The following ASAP1 variants were observed in gnomAD, a reference collection of about 807,000 sequenced individuals.
The protein encoded by ASAP1 is ArfGAP with SH3 domain, ankyrin repeat and PH domain 1, also known as arf-GAP with SH3 domain, ANK repeat and PH domain-containing protein 1.
In ASAP1, 43 loss-of-function variants were observed where a neutral mutation model predicts 145.2. The observed-to-expected ratio is 0.30, with a 90% CI of 0.23 to 0.38. The LOEUF (loss-of-function observed/expected upper bound fraction) is 0.38. Ranked by LOEUF, ASAP1 falls within the 10% of genes least tolerant of loss-of-function variation. The pLI is 1.00. For missense variants in ASAP1, 1,018 were observed against 1,355.3 expected (o/e 0.75, Z 3.91); for synonymous variants, 546 against 515.5 (o/e 1.06, Z -0.80).
intron 1 of ASAP1, among the ~76,000 whole-genome samples, chr8:130,412,986 A>C (rs936877799): frequency 2.6e-5 from 4 of 152,256 alleles, no homozygotes; most frequent in Non-Finnish European, 4.4e-5. Context: ...TTGCATAGTT[A>C]TTATGTGTAT....
intron 1 of ASAP1, among the ~76,000 whole-genome samples, chr8:130,408,875 A>T (rs1829146131): frequency 6.6e-6 from 1 of 152,206 alleles, no homozygotes; most frequent in South Asian, 2.1e-4. Flanking sequence ...AAAGCTCAGA[A>T]CTTTATCTGC....
intron 24 of ASAP1, among the ~76,000 whole-genome samples, chr8:130,107,371 G>A (rs1482809395): frequency 2.0e-5 from 3 of 151,646 alleles, no homozygotes; most frequent in Admixed American, 6.6e-5. Flanking sequence ...ATTTTTAGTA[G>A]AGACAGGGTT....
intron 9 of ASAP1, chr8:130,179,015 A>G: frequency 2.8e-6 from 1 of 353,536 alleles, no homozygotes; most frequent in South Asian, 5.8e-5. Flanking sequence ...CAAATTTAGG[A>G]AGAAGTATTT....
intron 3 of ASAP1, among the ~76,000 whole-genome samples, chr8:130,356,211 C>A (rs910633795): frequency 6.6e-6 from 1 of 152,194 alleles, no homozygotes; most frequent in African/African-American, 2.4e-5. Flanking sequence ...AACAGCATCA[C>A]CGAATACTTA....
At chr8:130,315,174 C>T (rs1823591851) in intron 3 of ASAP1, among the ~76,000 whole-genome samples, 1 of 152,026 alleles carries the variant, frequency 6.6e-6, no homozygotes, top group South Asian at 2.1e-4. Flanking sequence ...GGAGAGTTCA[C>T]AAGGAAAATA....
chr8:130,072,820 T>TGCGCGC (rs1276537977), intron 27 of ASAP1, among the ~76,000 whole-genome samples: 8 of 22,086 alleles, frequency 3.6e-4, no homozygotes, highest in South Asian at 2.2e-3. Flanking sequence ...TGTGTGTGTG[T>TGCGCGC]GTGTGCGCGC....
At chr8:130,188,723 CA>C (rs370580190) in intron 5 of ASAP1, among the ~76,000 whole-genome samples, 12,300 of 83,678 alleles carry the variant, frequency 0.15, 279 homozygotes, top group African/African-American at 0.21. Flanking sequence ...GAGACTCTCT[CA>C]AAAAAAAAAA....
intron 2 of ASAP1, among the ~76,000 whole-genome samples, chr8:130,381,949 C>G (rs1827788380): frequency 6.6e-6 from 1 of 152,162 alleles, no homozygotes; most frequent in South Asian, 2.1e-4. Context: ...CTCTTGTTCT[C>G]CCTTTACCCG....
At chr8:130,386,290 T>C (rs913968022) in intron 2 of ASAP1, among the ~76,000 whole-genome samples, 3 of 152,196 alleles carry the variant, frequency 2.0e-5, no homozygotes, top group Admixed American at 6.5e-5. Flanking sequence ...ACTCCTCTCT[T>C]ACCTAAGCCA....
In ASAP1 at chr8:130,341,864, C is replaced by T. The variant is rs546297796; in HGVS notation, c.186+16153G>A. ...TAAGAGGTAAAAGAGCAGCAAGAAA[C>T]GAGAGTCAAACTAGGAGACTCTTGG... On this transcript the variant is annotated intron_variant, in intron 3 of 29. Coordinates refer to ENST00000518721, the MANE Select transcript of ASAP1 (RefSeq NM_018482.4). Among the ~76,000 whole-genome samples the T allele has an allele frequency of 1.2e-4, 18 of 152,244 alleles. No homozygotes were observed. In the East Asian group the frequency reaches 1.4e-3, roughly 11 times the overall value.
intron 6 of ASAP1, 140 bp from the exon 7 acceptor site, chr8:130,187,425 T>A: frequency 1.5e-6 from 1 of 677,188 alleles, no homozygotes; most frequent in Non-Finnish European, 2.5e-6. Context: ...ACACCATTTT[T>A]TTTTTTTTTT....
chr8:130,125,863 T>C, intron 17 of ASAP1, 93 bp downstream of exon 17: 1 of 1,274,480 alleles, frequency 7.8e-7, no homozygotes, highest in Non-Finnish European at 1.1e-6. Context: ...TAATTCTTTG[T>C]ACTCAGCAGA....
At chr8:130,131,754 C>T (rs1050474981) in intron 15 of ASAP1, among the ~76,000 whole-genome samples, 14 of 152,086 alleles carry the variant, frequency 9.2e-5, no homozygotes, top group African/African-American at 2.4e-4. Flanking sequence ...GCTATAATCA[C>T]GCCACTGCAC....
intron 3 of ASAP1, among the ~76,000 whole-genome samples, chr8:130,263,010 T>C (rs1159803923): frequency 1.3e-5 from 2 of 152,182 alleles, no homozygotes; most frequent in Non-Finnish European, 2.9e-5. Flanking sequence ...TCTGCTTTTG[T>C]ACAACATGGA....
intron 26 of ASAP1, among the ~76,000 whole-genome samples, chr8:130,078,884 GT>G (rs1486098622): frequency 6.6e-6 from 1 of 151,994 alleles, no homozygotes; most frequent in African/African-American, 2.4e-5. Context: ...GTTATAAAGA[GT>G]ACATAAGATA....
chr8:130,282,622 T>C lies in ASAP1; in HGVS notation c.187-45628A>G, dbSNP rs192253137. ...AGCTCTGGCATGTGTACATCAACCA[T>C]GGCATTCAAGCCACAATATCAAAAC... On this transcript the variant is annotated intron_variant, in intron 3 of 29. Coordinates refer to ENST00000518721, the MANE Select transcript of ASAP1 (RefSeq NM_018482.4). Among the ~76,000 whole-genome samples, 109 of 152,312 alleles carry C rather than the reference T, an allele frequency of 7.2e-4. 1 individual carries two copies. The highest frequency in any genetic ancestry group is 5.3e-3 in the Admixed American group (81 of 15,302).
At chr8:130,110,697 T>A (rs1035568716) in intron 24 of ASAP1, among the ~76,000 whole-genome samples, 5 of 152,232 alleles carry the variant, frequency 3.3e-5, no homozygotes, top group African/African-American at 1.2e-4. Flanking sequence ...TTATTTTAAC[T>A]TTTCTCTATT....
intron 2 of ASAP1, among the ~76,000 whole-genome samples, chr8:130,370,579 G>A (rs1375159964): frequency 1.3e-5 from 2 of 152,156 alleles, no homozygotes; most frequent in East Asian, 1.9e-4. Flanking sequence ...AAACATATGT[G>A]CACATAAAAC....
At chr8:130,082,096 C>T (rs116102165) in intron 25 of ASAP1, among the ~76,000 whole-genome samples, 2,419 of 152,274 alleles carry the variant, frequency 0.016, 37 homozygotes, top group African/African-American at 0.041. Flanking sequence ...TCTGACTGCA[C>T]CTACTGAAGA....
Sources: allele counts gnomAD v4.1 joint callset (sites outside exome capture counted in the v4.1 genomes callset), GRCh38; gene constraint gnomAD v4.1.1; transcripts MANE v1.5; gene names NCBI Gene and HGNC (gene_info 2026-07-23, HGNC 2026-07-21).